SPECC1: variants seen among roughly 807,000 people sequenced by gnomAD.
SPECC1 encodes sperm antigen with calponin homology and coiled-coil domains 1, also known as cytospin-B.
Under a neutral mutation model 104.1 loss-of-function variants are expected in SPECC1, and 62 were observed. The observed-to-expected ratio is 0.60, with a 90% CI of 0.49 to 0.74. The LOEUF (loss-of-function observed/expected upper bound fraction) is 0.74, where lower values mean the gene tolerates loss of function less well. Ranked by LOEUF, SPECC1 falls within the 30% of genes least tolerant of loss-of-function variation. The pLI is 0.00. For missense variants in SPECC1, 1,306 were observed against 1,310.5 expected (o/e 1.00, Z 0.05); for synonymous variants, 513 against 501.6 (o/e 1.02, Z -0.30).
intron 1 of SPECC1, among the ~76,000 whole-genome samples, chr17:20,050,077 A>G (rs1382126547): frequency 6.6e-6 from 1 of 152,168 alleles, no homozygotes; most frequent in African/African-American, 2.4e-5. Flanking sequence ...TTGGCCTCCC[A>G]AAGTGCTGGG....
rs935090078 is a variant in SPECC1, at chr17:20,112,787, A to G, written c.283+2225A>G. On this transcript the variant is annotated intron_variant, in intron 3 of 14. Coordinates refer to ENST00000395527, the MANE Select transcript of SPECC1 (RefSeq NM_001243439.2). ...TATGGAAGGAAGTCAGATAACAGGA[A>G]TTAACCTGAGAGTGACTACCTTAAA... 10 of 1,417,526 alleles carry G rather than the reference A, an allele frequency of 7.1e-6. No homozygotes were observed. In the African/African-American group the frequency reaches 1.3e-4, roughly 18 times the overall value. The allele number at this position is 1,417,526 out of a possible 1,614,324, so 87.8% of individuals were successfully genotyped here.
At position 20,159,115 on chromosome 17, in the gene SPECC1, T is replaced by C. The variant is rs557916050; in HGVS notation, c.284-45218T>C. ...GTGCACCACTATGCCCGCCTAATTT[T>C]TGTATTTTTAGTAGAGGTGGGATTT... On this transcript the variant is annotated intron_variant, in intron 3 of 14. Coordinates refer to ENST00000395527, the MANE Select transcript of SPECC1 (RefSeq NM_001243439.2). Among the ~76,000 whole-genome samples, 16 of 152,190 alleles carry C rather than the reference T, an allele frequency of 1.1e-4. No individual in the cohort carries two copies. In the South Asian group the frequency reaches 3.3e-3, roughly 32 times the overall value.
intron 3 of SPECC1, chr17:20,156,209 T>G (rs769539232): frequency 7.0e-7 from 1 of 1,431,816 alleles, no homozygotes; most frequent in Non-Finnish European, 9.2e-7. Flanking sequence ...GGGCAACCAC[T>G]CAGGACGGCC....
rs533829085 is a variant in SPECC1 at position 20,315,543 on chromosome 17, G to A, written c.*1478G>A. On this transcript the variant is annotated 3_prime_UTR_variant, in exon 15 of 15. Coordinates refer to ENST00000395527, the MANE Select transcript of SPECC1 (RefSeq NM_001243439.2). ...TTTAAGTGCCAAATAGCGTGTTAGCGCCCCTCCAACAAAGGATCATCCTTC... is the reference window on the plus strand; with the variant it reads ...TTTAAGTGCCAAATAGCGTGTTAGCACCCCTCCAACAAAGGATCATCCTTC... The A allele has an allele frequency of 3.4e-5, 8 of 232,658 alleles. No homozygotes were observed. The highest frequency in any genetic ancestry group is 5.6e-5 in the Admixed American group (1 of 17,754). The allele number at this position is 232,658 out of a possible 1,614,324, so 14.4% of individuals were successfully genotyped here.
chr17:20,057,954 GA>G (rs1040755166), intron 1 of SPECC1: 3 of 152,014 alleles, frequency 2.0e-5, no homozygotes, highest in African/African-American at 7.3e-5. Context: ...AATTTGTGAA[GA>G]AAACTGTCAA....
chr17:20,217,078 G>A (rs536265454), intron 4 of SPECC1, among the ~76,000 whole-genome samples: 2 of 152,180 alleles, frequency 1.3e-5, no homozygotes, highest in South Asian at 2.1e-4. Context: ...ATCCCCTGCA[G>A]TCGTGGAAGG....
intron 9 of SPECC1, among the ~76,000 whole-genome samples, chr17:20,248,972 A>T (rs1043741224): frequency 1.3e-5 from 2 of 152,218 alleles, no homozygotes; most frequent in Admixed American, 1.3e-4. Context: ...CTTAAAACCC[A>T]TAGAAACATG....
At chr17:20,067,442 C>T (rs2046396836) in intron 1 of SPECC1, 1 of 152,166 alleles carries the variant, frequency 6.6e-6, no homozygotes, top group Non-Finnish European at 1.5e-5. Context: ...CACGCCCAAC[C>T]TAACCATTCT....
In SPECC1 at chr17:20,227,508, G is replaced by A; in HGVS notation, c.1959G>A (p.Glu653=). ...TSLKLQEKAS[E]SDAEIKDMKE... ...TAAAGCTGCAAGAAAAAGCATCAGA[G>A]AGTGATGCAGAGATCAAAGACATGA... Residue 653 remains glutamate (E), a synonymous_variant, in exon 5 of 15, where the codon GAG becomes GAA. Transcript: ENST00000395527. 1 of 1,613,326 alleles carries A rather than the reference G, an allele frequency of 6.2e-7. No homozygotes were observed.
chr17:20,139,689 T>A (rs889356338), intron 3 of SPECC1, among the ~76,000 whole-genome samples: 5 of 152,164 alleles, frequency 3.3e-5, no homozygotes, highest in African/African-American at 1.2e-4. Flanking sequence ...TTATTTATTT[T>A]TTGAGACGAA....
At chr17:20,225,943 A>G (rs982548088) in intron 4 of SPECC1, among the ~76,000 whole-genome samples, 4 of 152,124 alleles carry the variant, frequency 2.6e-5, no homozygotes, top group Admixed American at 6.5e-5. Flanking sequence ...CATTCATCAA[A>G]TATTCATTAA....
At chr17:20,075,572 A>G (rs573082140) in intron 1 of SPECC1, among the ~76,000 whole-genome samples, 18 of 152,180 alleles carry the variant, frequency 1.2e-4, no homozygotes, top group South Asian at 1.0e-3. Context: ...GGAGGAGAAG[A>G]AGGAGGATTG....
chr17:20,104,038 A>C (rs961623418), intron 2 of SPECC1, among the ~76,000 whole-genome samples: 1 of 152,166 alleles, frequency 6.6e-6, no homozygotes, highest in Non-Finnish European at 1.5e-5. Context: ...TGGCATTTCT[A>C]TGTTTGTGGA....
At chr17:20,082,043 A>G (rs1037089897) in intron 1 of SPECC1, among the ~76,000 whole-genome samples, 1 of 152,154 alleles carries the variant, frequency 6.6e-6, no homozygotes, top group East Asian at 1.9e-4. Flanking sequence ...CAGCTCTTCA[A>G]CCTGCCGTTC....
intron 3 of SPECC1, among the ~76,000 whole-genome samples, chr17:20,151,197 TTG>T (rs1008459155): frequency 1.3e-5 from 2 of 152,190 alleles, no homozygotes; most frequent in African/African-American, 4.8e-5. Flanking sequence ...TTTTTTGACT[TTG>T]TGATGGTACA....
chr17:20,285,601 A>C (rs1460621697), intron 12 of SPECC1, among the ~76,000 whole-genome samples: 1 of 152,144 alleles, frequency 6.6e-6, no homozygotes, highest in African/African-American at 2.4e-5. Context: ...TCCCTGGGTA[A>C]AAATAATCAG....
At chr17:20,286,344 C>G (rs2040945290) in intron 12 of SPECC1, among the ~76,000 whole-genome samples, 1 of 152,220 alleles carries the variant, frequency 6.6e-6, no homozygotes, top group Non-Finnish European at 1.5e-5. Context: ...ATTTTCTTCT[C>G]ATGGTTCTTT....
At chr17:20,213,149 G>C (rs990657452) in intron 4 of SPECC1, among the ~76,000 whole-genome samples, 1 of 151,964 alleles carries the variant, frequency 6.6e-6, no homozygotes, top group African/African-American at 2.4e-5. Flanking sequence ...CCAGGCTGGA[G>C]TACAGTGGTG....
At chr17:20,306,588 A>G (rs1241948412) in intron 14 of SPECC1, among the ~76,000 whole-genome samples, 1 of 152,070 alleles carries the variant, frequency 6.6e-6, no homozygotes, top group African/African-American at 2.4e-5. Context: ...GAAATCTCTA[A>G]AACTCCACCA....
Sources: gnomAD v4.1 joint callset for allele counts (sites outside exome capture counted in the v4.1 genomes callset) on GRCh38, gnomAD v4.1.1 for gene constraint, MANE v1.5 for transcripts, NCBI Gene and HGNC (gene_info 2026-07-23, HGNC 2026-07-21) for gene names.